IMPG1: variants seen among roughly 807,000 people sequenced by gnomAD.
The protein encoded by IMPG1 is interphotoreceptor matrix proteoglycan 1.
IMPG1 carries 85 observed loss-of-function variants against 92.0 expected under a neutral mutation model. The observed-to-expected ratio is 0.92, with a 90% CI of 0.78 to 1.11. IMPG1 has a LOEUF of 1.11. Among genes scored for constraint, IMPG1 ranks in the 50% least tolerant of loss-of-function variants. IMPG1 has a pLI of 0.00. For missense variants in IMPG1, 1,022 were observed against 956.0 expected (o/e 1.07, Z -0.91); for synonymous variants, 367 against 334.1 (o/e 1.10, Z -1.08).
At chr6:76,031,632 A>C (rs544005823) in intron 4 of IMPG1, among the ~76,000 whole-genome samples, 1 of 152,264 alleles carries the variant, frequency 6.6e-6, no homozygotes, top group African/African-American at 2.4e-5. Flanking sequence ...ACCATATTTA[A>C]CAACTCTCGT....
In IMPG1 at chr6:75,921,672, T is replaced by G. The variant is rs1488620542; in HGVS notation, c.*417A>C. Reference sequence around the variant, plus strand: ...AGAGACCTGCATCTCCCTGCGTAAGTAGTCATCTTTTAAATGTACTTTCTA... The same window carrying G: ...AGAGACCTGCATCTCCCTGCGTAAGGAGTCATCTTTTAAATGTACTTTCTA... On this transcript the variant is annotated 3_prime_UTR_variant, in exon 17 of 17. Transcript: ENST00000369950. 1 of 186,754 alleles carries G rather than the reference T, an allele frequency of 5.4e-6. No individual in the cohort carries two copies. The highest frequency in any genetic ancestry group is 1.7e-4 in the East Asian group (1 of 5,750). The allele number at this position is 186,754 out of a possible 1,614,324, so 11.6% of individuals were successfully genotyped here.
Position 76,016,117 on chromosome 6 carries a change from T to A in IMPG1, c.807+2601A>T, listed in dbSNP as rs568485991. ...TACATATAAAGCATTAAGAAAAGTG[T>A]TAGCTATTATGTCTATACACAGCAG... On this transcript the variant is annotated intron_variant, in intron 7 of 16. Coordinates refer to ENST00000369950, the MANE Select transcript of IMPG1 (RefSeq NM_001563.4). 2.0e-5 allele frequency among the ~76,000 whole-genome samples: 3 copies of A among 152,292 alleles called. No homozygotes were observed. In the East Asian group the frequency reaches 5.8e-4, roughly 29 times the overall value.
At chr6:75,987,738 G>A (rs1236361392) in intron 12 of IMPG1, among the ~76,000 whole-genome samples, 3 of 150,988 alleles carry the variant, frequency 2.0e-5, no homozygotes, top group Non-Finnish European at 1.5e-5. Flanking sequence ...TCCGCCTCCC[G>A]GGTTCACGCC....
At chr6:75,950,322 A>G (rs1238096169) in intron 13 of IMPG1, among the ~76,000 whole-genome samples, 1 of 152,186 alleles carries the variant, frequency 6.6e-6, no homozygotes, top group Admixed American at 6.5e-5. Context: ...AGAGTTTAAG[A>G]ACAAATTTGT....
intron 1 of IMPG1, among the ~76,000 whole-genome samples, chr6:76,055,734 A>G (rs981787114): frequency 3.9e-5 from 6 of 152,050 alleles, no homozygotes; most frequent in African/African-American, 1.2e-4. Context: ...CTTTCTACAG[A>G]CTTTCTACAA....
intron 12 of IMPG1, among the ~76,000 whole-genome samples, chr6:75,985,717 T>C (rs1434284463): frequency 1.3e-5 from 2 of 152,206 alleles, no homozygotes; most frequent in Non-Finnish European, 2.9e-5. Flanking sequence ...TGGAGAGCAG[T>C]TCCTTTATAG....
chr6:76,015,528 C>T (rs374287491), intron 7 of IMPG1, among the ~76,000 whole-genome samples: 98 of 151,380 alleles, frequency 6.5e-4, no homozygotes, highest in Non-Finnish European at 1.2e-3. Flanking sequence ...TGGCTGGGTG[C>T]GGTAGCTCAC....
At chr6:75,979,115 C>T (rs1346661201) in intron 12 of IMPG1, among the ~76,000 whole-genome samples, 2 of 152,008 alleles carry the variant, frequency 1.3e-5, no homozygotes, top group Non-Finnish European at 2.9e-5. Context: ...CAGGGTTTCA[C>T]CCTGTTGCCC....
At position 76,034,333 on chromosome 6, in the gene IMPG1, T is replaced by G. The variant is rs779706335; in HGVS notation, c.479A>C (p.Gln160Pro). Residue 160 changes from glutamine to proline, a missense_variant, in exon 4 of 17, where the codon CAG becomes CCG. Physicochemically the swap from Gln to Pro is moderately conservative, Grantham distance 76 (BLOSUM62 -1). This residue lies in a region of IMPG1 where 681 missense variants were observed against 583.6 expected (regional missense o/e 1.17). Transcript: ENST00000369950. The stretch of plus-strand genomic sequence containing the variant: ...TACTTGCCTGTCAGGGAAACTTCTC[T>G]GTTTTATTCTCTGCAAAAAGATAAA... Reference protein sequence around the residue: ...HLDLLQQRIKQRSFPDRKDEI... With the variant: ...HLDLLQQRIKPRSFPDRKDEI... The G allele has an allele frequency of 1.9e-6, 3 of 1,613,406 alleles. No individual in the cohort carries two copies. Among genetic ancestry groups the G allele is most frequent in the Non-Finnish European group, 2.5e-6 (3 of 1,179,328 alleles).
intron 15 of IMPG1, among the ~76,000 whole-genome samples, chr6:75,925,431 A>C (rs892517661): frequency 2.6e-5 from 4 of 152,162 alleles, no homozygotes; most frequent in African/African-American, 9.6e-5. Flanking sequence ...CTTTCTCTCA[A>C]CATCAATTTA....
At chr6:76,025,944 G>C (rs1217871304) in intron 4 of IMPG1, among the ~76,000 whole-genome samples, 1 of 152,156 alleles carries the variant, frequency 6.6e-6, no homozygotes, top group South Asian at 2.1e-4. Flanking sequence ...GTAGTGGTGA[G>C]AGAGCCAGGT....
chr6:76,000,319 TC>T (rs1333155120), intron 12 of IMPG1, among the ~76,000 whole-genome samples: 2 of 152,230 alleles, frequency 1.3e-5, no homozygotes, highest in Non-Finnish European at 2.9e-5. Context: ...GGTAAATGAT[TC>T]AGTGGCATTT....
At chr6:75,938,873 G>A (rs1232876387) in intron 14 of IMPG1, among the ~76,000 whole-genome samples, 1 of 151,788 alleles carries the variant, frequency 6.6e-6, no homozygotes, top group African/African-American at 2.4e-5. Flanking sequence ...GACCAAGACA[G>A]CCTTAATATT....
chr6:75,992,077 A>G (rs1782821497), intron 12 of IMPG1, among the ~76,000 whole-genome samples: 1 of 152,230 alleles, frequency 6.6e-6, no homozygotes, highest in South Asian at 2.1e-4. Context: ...AGTGGGCCTC[A>G]TCCAATTAGC....
chr6:76,069,586 A>G (rs761776977), intron 1 of IMPG1, among the ~76,000 whole-genome samples: 34 of 152,064 alleles, frequency 2.2e-4, no homozygotes, highest in Non-Finnish European at 4.6e-4. Context: ...ATAACTAAAA[A>G]CAGAACTACC....
chr6:76,030,283 G>A (rs967793388), intron 4 of IMPG1, among the ~76,000 whole-genome samples: 17 of 151,998 alleles, frequency 1.1e-4, no homozygotes, highest in African/African-American at 3.9e-4. Flanking sequence ...ACTGGGATTC[G>A]GGGATGCAAG....
intron 12 of IMPG1, among the ~76,000 whole-genome samples, chr6:75,982,020 T>A (rs1307522648): frequency 6.6e-6 from 1 of 152,230 alleles, no homozygotes; most frequent in Non-Finnish European, 1.5e-5. Context: ...ATATGATATT[T>A]CTTCCACTTT....
intron 2 of IMPG1, among the ~76,000 whole-genome samples, chr6:76,040,576 G>A (rs914312063): frequency 3.9e-5 from 6 of 152,250 alleles, no homozygotes; most frequent in African/African-American, 1.2e-4. Context: ...CTGCTCTGTG[G>A]AGATGCCCTT....
intron 12 of IMPG1, among the ~76,000 whole-genome samples, chr6:75,983,118 A>C (rs1167973092): frequency 1.3e-5 from 2 of 151,882 alleles, no homozygotes; most frequent in African/African-American, 4.8e-5. Context: ...ATGATTATGC[A>C]GTTTAGTACT....
Sources: gnomAD v4.1 joint callset for allele counts (sites outside exome capture counted in the v4.1 genomes callset) on GRCh38, gnomAD v4.1.1 for gene constraint, gnomAD v4.1.1 regional missense constraint, MANE v1.5 for transcripts, NCBI Gene and HGNC (gene_info 2026-07-23, HGNC 2026-07-21) for gene names.